Variants in RANBP2 observed in about 807,000 individuals in gnomAD.
RANBP2 encodes the protein E3 SUMO-protein ligase RanBP2.
In RANBP2, 57 loss-of-function variants were observed where a neutral mutation model predicts 303.6. The ratio of observed to expected loss-of-function variants is 0.19; its 90% CI spans 0.15 to 0.23. The LOEUF is 0.23. RANBP2 is among the 10% of genes least tolerant of loss of function. The pLI is 1.00. For synonymous variants in RANBP2, 1,167 were observed against 1,301.5 expected (o/e 0.90, Z 2.23); for missense variants, 3,138 against 3,780.8 (o/e 0.83, Z 4.46).
the RANBP2 span, among the ~76,000 whole-genome samples, chr2:109,451,837 G>A: frequency 1.3e-5 from 2 of 152,248 alleles, no homozygotes; most frequent in Admixed American, 1.3e-4. Flanking sequence ...GAGCCTCTGT[G>A]GGCAGCAGAA....
chr2:108,864,075 T>C, the RANBP2 span, among the ~76,000 whole-genome samples: 5 of 152,170 alleles, frequency 3.3e-5, no homozygotes, highest in East Asian at 1.9e-4. Context: ...TGTGTTACAC[T>C]AGTGTGTAAC....
chr2:109,490,835 G>A, the RANBP2 span: 3 of 1,536,840 alleles, frequency 2.0e-6, no homozygotes, highest in Admixed American at 2.0e-5. Flanking sequence ...CTCTGCACAG[G>A]AAGGCAGGCT....
At chr2:109,532,804 T>C in the RANBP2 span, among the ~76,000 whole-genome samples, 21,403 of 152,094 alleles carry the variant, frequency 0.14, 2,071 homozygotes, top group African/African-American at 0.28. Flanking sequence ...TGATGCAGAA[T>C]TGCTGTCATT....
chr2:109,052,917 G>A, the RANBP2 span, among the ~76,000 whole-genome samples: 1 of 152,220 alleles, frequency 6.6e-6, no homozygotes, highest in Non-Finnish European at 1.5e-5. Flanking sequence ...GATTCCCTAA[G>A]ACATTTCTCT....
the RANBP2 span, among the ~76,000 whole-genome samples, chr2:109,514,447 A>C: frequency 2.6e-5 from 4 of 152,262 alleles, no homozygotes; most frequent in African/African-American, 9.6e-5. Flanking sequence ...TCAGACCTCC[A>C]TGGATGAAAG....
the RANBP2 span, among the ~76,000 whole-genome samples, chr2:109,133,405 T>C: frequency 6.6e-6 from 1 of 152,236 alleles, no homozygotes; most frequent in African/African-American, 2.4e-5. Context: ...ATCATAAAAT[T>C]ATATTTGTTA....
At chr2:108,956,081 T>C in the RANBP2 span, among the ~76,000 whole-genome samples, 2 of 152,158 alleles carry the variant, frequency 1.3e-5, no homozygotes, top group Admixed American at 1.3e-4. Context: ...TTCGGGCTAC[T>C]TGTGGTTTGA....
downstream of RANBP2, chr2:108,788,990 G>T (rs1475521662): frequency 6.2e-7 from 1 of 1,612,222 alleles, no homozygotes; most frequent in South Asian, 1.1e-5. Flanking sequence ...AAACTTTACT[G>T]TTGCTACCCC....
the RANBP2 span, among the ~76,000 whole-genome samples, chr2:108,925,469 G>A: frequency 6.6e-6 from 1 of 152,194 alleles, no homozygotes; most frequent in African/African-American, 2.4e-5. Flanking sequence ...GGAGGGTGGT[G>A]GCTCTGTCCC....
chr2:108,724,968 TA>T (rs1004201988), intron 1 of RANBP2, among the ~76,000 whole-genome samples: 127 of 150,590 alleles, frequency 8.4e-4, no homozygotes, highest in African/African-American at 2.3e-3. Context: ...CCATCTGAAT[TA>T]AAAAAAAAAT....
At chr2:108,741,373 T>C (rs1226609037) in intron 7 of RANBP2, among the ~76,000 whole-genome samples, 1 of 151,614 alleles carries the variant, frequency 6.6e-6, no homozygotes, top group Non-Finnish European at 1.5e-5. Flanking sequence ...ATTTTTTGTA[T>C]TTTTAATAGA....
the RANBP2 span, among the ~76,000 whole-genome samples, chr2:109,432,841 C>T: frequency 6.6e-6 from 1 of 152,256 alleles, no homozygotes; most frequent in African/African-American, 2.4e-5. Context: ...ATTTCACCTT[C>T]TGAGCTGGGT....
chr2:109,039,993 C>T, the RANBP2 span, among the ~76,000 whole-genome samples: 1 of 152,102 alleles, frequency 6.6e-6, no homozygotes, highest in Non-Finnish European at 1.5e-5. Flanking sequence ...ATTTGTCAGT[C>T]TTTCCTTAAG....
At chr2:109,770,551 AG>A in the RANBP2 span, among the ~76,000 whole-genome samples, 1 of 65,020 alleles carries the variant, frequency 1.5e-5, no homozygotes, top group Non-Finnish European at 2.6e-5. Flanking sequence ...TAAGGAGTGC[AG>A]GGGTCCCCAG....
At chr2:108,792,894 C>G in the RANBP2 span, among the ~76,000 whole-genome samples, 1 of 150,604 alleles carries the variant, frequency 6.6e-6, no homozygotes, top group Non-Finnish European at 1.5e-5. Context: ...GAAACCCTGT[C>G]TCTACTAAAA....
the RANBP2 span, among the ~76,000 whole-genome samples, chr2:109,568,868 T>C: frequency 0.045 from 6,821 of 152,192 alleles, 533 homozygotes; most frequent in African/African-American, 0.16. Flanking sequence ...TACTACTATC[T>C]TAAAAGTGTT....
At chr2:109,329,448 T>G in the RANBP2 span, among the ~76,000 whole-genome samples, 1 of 152,322 alleles carries the variant, frequency 6.6e-6, no homozygotes, top group East Asian at 1.9e-4. Flanking sequence ...AATCAGTGGC[T>G]TCAAATGGTT....
At chr2:109,489,992 C>T in the RANBP2 span, among the ~76,000 whole-genome samples, 6 of 152,184 alleles carry the variant, frequency 3.9e-5, no homozygotes, top group African/African-American at 9.7e-5. Flanking sequence ...CCCACCTTGG[C>T]CTCCCAAATT....
chr2:109,358,320 TC>T, the RANBP2 span, among the ~76,000 whole-genome samples: 1 of 152,234 alleles, frequency 6.6e-6, no homozygotes, highest in Non-Finnish European at 1.5e-5. Context: ...CTTGGTTACT[TC>T]CATGTTTGGG....
Sources: gnomAD v4.1 joint callset for allele counts (sites outside exome capture counted in the v4.1 genomes callset) on GRCh38, gnomAD v4.1.1 for gene constraint, MANE v1.5 for transcripts, NCBI Gene and HGNC (gene_info 2026-07-23, HGNC 2026-07-21) for gene names.